Variants in TBC1D8 observed in about 807,000 individuals in gnomAD.
The protein encoded by TBC1D8 is TBC1 domain family member 8, also known as BUB2-like protein 1.
A neutral mutation model predicts 118.8 loss-of-function variants in TBC1D8; 65 were observed. That is an observed-to-expected ratio of 0.55 (90% CI 0.45 to 0.67). The LOEUF (loss-of-function observed/expected upper bound fraction) is 0.67, where lower values mean the gene tolerates loss of function less well. Ranked by LOEUF, TBC1D8 falls within the 30% of genes least tolerant of loss-of-function variation. TBC1D8 has a pLI of 0.00. For missense variants in TBC1D8, 1,376 were observed against 1,471.2 expected, an observed-to-expected ratio of 0.94 and a Z score of 1.06; for synonymous variants, 566 against 595.8, an observed-to-expected ratio of 0.95 and a Z score of 0.73.
Position 101,038,628 on chromosome 2 carries a change from T to C in TBC1D8, c.1108A>G (p.Thr370Ala). 6.2e-7 allele frequency: 1 copy of C among 1,613,962 alleles called. No individual in the cohort carries two copies. The highest frequency in any genetic ancestry group is 8.5e-7 in the Non-Finnish European group (1 of 1,179,922). ...EVVSIEKMED[T>A]SLLPHPIIVS... ...ATGATGGGATGCGGCAGCAGGCTCG[T>C]GTCCTCCATCTTCTCGATGCTCACC... is the stretch of plus-strand genomic sequence containing the variant. The change falls in exon 7 of 20, where the codon ACG becomes GCG. Residue 370 changes from threonine (T) to alanine (A), a missense_variant. Transcript: ENST00000409318.
chr2:101,029,368 G>T (rs994587877), intron 12 of TBC1D8, 123 bp downstream of exon 12: 13 of 1,134,326 alleles, frequency 1.1e-5, no homozygotes, highest in Non-Finnish European at 1.5e-5. Context: ...CTCCAGCCTG[G>T]GCAACAGAGT....
At position 101,037,440 on chromosome 2, in the gene TBC1D8, G is replaced by A. The variant is rs545787222; in HGVS notation, c.1452+92C>T. ...GAGCGTTAGCTTCCCAAAGTCAGGT[G>A]CCACGTTCCATGGTGACTCAGACAG... On this transcript the variant is annotated intron_variant, in intron 8 of 19. Coordinates refer to ENST00000409318, the MANE Select transcript of TBC1D8 (RefSeq NM_001330348.2). 8.0e-4 allele frequency: 1,222 copies of A among 1,518,752 alleles called. 18 individuals carry two copies. In the South Asian group the frequency reaches 0.014, roughly 18 times the overall value. The allele number at this position is 1,518,752 out of a possible 1,614,324, so 94.1% of individuals were successfully genotyped here. A position where few individuals can be genotyped will look rare whatever the true frequency, so the allele number is the denominator to read the frequency against.
At position 101,090,350 on chromosome 2, in the gene TBC1D8, C is replaced by T. The variant is rs368627293; in HGVS notation, c.142G>A (p.Ala48Thr). The change falls in exon 2 of 20, where the codon GCT becomes ACT. Residue 48 changes from alanine (A) to threonine (T), a missense_variant. Physicochemically the swap from Ala to Thr is moderately conservative, Grantham distance 58 (BLOSUM62 0). Transcript: ENST00000409318. ...GGRLTGRLVG[A>T]LDAVLDSNAR... The stretch of plus-strand genomic sequence containing the variant: ...TTGGAATCCAACACTGCATCCAGAG[C>T]GCCGACCAGGCGACCTTCAAAAGAA... 5 of 1,613,976 alleles carry T rather than the reference C, an allele frequency of 3.1e-6. No homozygotes were observed. The highest frequency in any genetic ancestry group is 3.3e-5 in the Admixed American group (2 of 60,024).
At chr2:101,066,009 CA>C (rs1295358770) in intron 2 of TBC1D8, among the ~76,000 whole-genome samples, 1 of 152,174 alleles carries the variant, frequency 6.6e-6, no homozygotes, top group Non-Finnish European at 1.5e-5. Context: ...AAGGCAGGCA[CA>C]GTGGCTCATG....
chr2:101,130,323 G>C (rs1005287295), intron 1 of TBC1D8, among the ~76,000 whole-genome samples: 2 of 152,236 alleles, frequency 1.3e-5, no homozygotes, highest in African/African-American at 4.8e-5. Flanking sequence ...TGGCCTGCAA[G>C]ACAGGTGCCC....
Position 101,092,027 on chromosome 2 carries a change from A to G in TBC1D8, c.128-1663T>C, listed in dbSNP as rs6733653. Among the ~76,000 whole-genome samples the G allele has an allele frequency of 9.0e-3, 1,375 of 152,348 alleles. 22 individuals carry two copies. Among genetic ancestry groups the G allele is most frequent in the African/African-American group, 0.031 (1,298 of 41,584 alleles). ...CATCAAATTCAGAACATTAATATTG[A>G]TATGGCCCTGCCATCTAATCATAAG... On this transcript the variant is annotated intron_variant, in intron 1 of 19. Transcript: ENST00000409318.
chr2:101,015,087 TA>T (rs1183620346), intron 17 of TBC1D8, among the ~76,000 whole-genome samples: 1 of 152,224 alleles, frequency 6.6e-6, no homozygotes, highest in Non-Finnish European at 1.5e-5. Context: ...TGCTGTAGCC[TA>T]CTACACACCT....
intron 2 of TBC1D8, among the ~76,000 whole-genome samples, chr2:101,079,741 A>G (rs988882154): frequency 7.8e-6 from 1 of 128,096 alleles, no homozygotes; most frequent in East Asian, 2.4e-4. Flanking sequence ...GCTGGAGTGC[A>G]GTGGTGCGAT....
At chr2:101,038,389 T>C (rs1395491623) in intron 7 of TBC1D8, 72 bp downstream of exon 7, 5 of 1,518,444 alleles carry the variant, frequency 3.3e-6, no homozygotes, top group Non-Finnish European at 2.7e-6. Flanking sequence ...GCTCTCCCCA[T>C]GTGTACTCCC....
chr2:101,039,278 T>C (rs1681231058), intron 6 of TBC1D8, among the ~76,000 whole-genome samples: 1 of 152,218 alleles, frequency 6.6e-6, no homozygotes, highest in African/African-American at 2.4e-5. Flanking sequence ...CCTAGATTTC[T>C]TGCTCCACTA....
intron 2 of TBC1D8, among the ~76,000 whole-genome samples, chr2:101,085,702 G>A (rs1461169778): frequency 6.6e-6 from 1 of 152,186 alleles, no homozygotes; most frequent in African/African-American, 2.4e-5. Context: ...AACACTCAAG[G>A]AAGAAAAGAA....
At chr2:101,081,704 C>T (rs1262685012) in intron 2 of TBC1D8, among the ~76,000 whole-genome samples, 1 of 152,194 alleles carries the variant, frequency 6.6e-6, no homozygotes, top group Non-Finnish European at 1.5e-5. Flanking sequence ...GAAAAGGAGT[C>T]CAATTATTGC....
chr2:101,069,292 C>CA (rs774980964), intron 2 of TBC1D8, among the ~76,000 whole-genome samples: 374 of 98,080 alleles, frequency 3.8e-3, no homozygotes, highest in African/African-American at 0.01. Flanking sequence ...GATTACGTCT[C>CA]AAAAAAAAAA....
In TBC1D8 at chr2:101,151,217, C is replaced by T; in HGVS notation, c.37G>A (p.Ala13Thr). ...TTCTGGGTCACCCAGAGCTTCAGCG[C>T]GTTCTTCAGCAGCACCTCCTCGGGC... ...LKPEEVLLKN[A>T]LKLWVTQKSS... is the part of the protein sequence containing the mutation. Residue 13 changes from alanine to threonine, a missense_variant, in exon 1 of 20, where the codon GCG (alanine) becomes ACG (threonine). Physicochemically the swap from Ala to Thr is moderately conservative, Grantham distance 58. Transcript: ENST00000409318. The T allele has an allele frequency of 8.0e-7, 1 of 1,252,862 alleles. No homozygotes were observed. 77.6% of individuals were successfully genotyped at this position (1,252,862 alleles called of 1,614,324 possible).
rs147858645 is a variant in TBC1D8 at position 101,085,556 on chromosome 2, C to T, written c.283+4653G>A. Among the ~76,000 whole-genome samples, 438 of 152,210 alleles carry T rather than the reference C, an allele frequency of 2.9e-3. 2 individuals are homozygous for T. Among genetic ancestry groups the T allele is most frequent in the African/African-American group, 9.8e-3 (406 of 41,536 alleles). The stretch of plus-strand genomic sequence containing the variant: ...ACTACGTTAGCGCCAATATAACGTC[C>T]GGGATAACGATGCCCAAGCATGAGC... On this transcript the variant is annotated intron_variant, in intron 2 of 19. Coordinates refer to ENST00000409318, the MANE Select transcript of TBC1D8 (RefSeq NM_001330348.2).
At chr2:101,117,162 T>A (rs1415969442) in intron 1 of TBC1D8, among the ~76,000 whole-genome samples, 1 of 152,010 alleles carries the variant, frequency 6.6e-6, no homozygotes. Flanking sequence ...AAGGAAGAAC[T>A]CCCCTACAGG....
At chr2:101,054,518 A>ACACG (rs1279670986) in intron 3 of TBC1D8, among the ~76,000 whole-genome samples, 182 bp from the exon 4 acceptor site, 3 of 152,030 alleles carry the variant, frequency 2.0e-5, no homozygotes, top group Admixed American at 2.0e-4. Context: ...CCACCCAGAC[A>ACACG]CACGGCTGCA....
intron 3 of TBC1D8, among the ~76,000 whole-genome samples, chr2:101,057,565 TC>T (rs1254782238): frequency 6.6e-6 from 1 of 152,180 alleles, no homozygotes; most frequent in East Asian, 1.9e-4. Flanking sequence ...GTGGCTCACA[TC>T]TATAATCCCA....
chr2:101,119,534 G>C (rs1299529337), intron 1 of TBC1D8, among the ~76,000 whole-genome samples: 1 of 152,166 alleles, frequency 6.6e-6, no homozygotes, highest in Non-Finnish European at 1.5e-5. Flanking sequence ...CTAGAGCAGG[G>C]GTTCTCAACT....
Sources: allele counts gnomAD v4.1 joint callset (sites outside exome capture counted in the v4.1 genomes callset), GRCh38; gene constraint gnomAD v4.1.1; transcripts MANE v1.5; gene names NCBI Gene and HGNC (gene_info 2026-07-23, HGNC 2026-07-21).